Variants in ELAPOR2 observed in about 807,000 individuals in gnomAD.
ELAPOR2 encodes endosome-lysosome associated apoptosis and autophagy regulator family member 2.
A neutral mutation model predicts 120.7 loss-of-function variants in ELAPOR2; 89 were observed. The ratio of observed to expected loss-of-function variants is 0.74; its 90% confidence interval spans 0.62 to 0.88. The LOEUF (loss-of-function observed/expected upper bound fraction) is 0.88, where lower values mean the gene tolerates loss of function less well. Among genes scored for constraint, ELAPOR2 ranks in the 40% least tolerant of loss-of-function variants. ELAPOR2 has a pLI of 0.00. For missense variants in ELAPOR2, 1,134 were observed against 1,251.6 expected (o/e 0.91, Z 1.42); for synonymous variants, 444 against 444.9 (o/e 1.00, Z 0.03).
intron 8 of ELAPOR2, among the ~76,000 whole-genome samples, chr7:86,936,313 C>T (rs941198589): frequency 1.3e-5 from 2 of 151,974 alleles, no homozygotes; most frequent in African/African-American, 2.4e-5. Flanking sequence ...AAATTCCTGC[C>T]CTCAAGCAAT....
At chr7:86,979,257 C>T (rs1237705599) in intron 1 of ELAPOR2, among the ~76,000 whole-genome samples, 1 of 152,170 alleles carries the variant, frequency 6.6e-6, no homozygotes, top group Non-Finnish European at 1.5e-5. Context: ...GAAAAGACCA[C>T]GTTAAGTTTA....
intron 1 of ELAPOR2, among the ~76,000 whole-genome samples, chr7:86,969,387 G>A (rs1300932514): frequency 6.6e-6 from 1 of 152,026 alleles, no homozygotes; most frequent in African/African-American, 2.4e-5. Context: ...AAAATAATAT[G>A]TATATATGTT....
chr7:86,891,797 TCTC>T lies in ELAPOR2; in HGVS notation c.2954_2956del (p.Gly985del), dbSNP rs1187981139. ...ATATACAACTTCCTCTTCATTATCT[TCTC>T]CTTCCATGATAGCACAACTGTCTGC... On this transcript the variant is annotated inframe_deletion, in exon 21 of 22. Transcript: ENST00000450689. The T allele has an allele frequency of 8.7e-6, 14 of 1,612,290 alleles. No individual in the cohort carries two copies. Among genetic ancestry groups the T allele is most frequent in the Non-Finnish European group, 1.2e-5 (14 of 1,178,864 alleles).
At chr7:87,059,016 T>C (rs1420358787) in intron 1 of ELAPOR2, among the ~76,000 whole-genome samples, 1 of 151,918 alleles carries the variant, frequency 6.6e-6, no homozygotes, top group East Asian at 1.9e-4. Flanking sequence ...CTCCCCTTCC[T>C]GAAATCTTTC....
At chr7:87,051,865 A>G (rs1327387334) in intron 1 of ELAPOR2, among the ~76,000 whole-genome samples, 2 of 152,202 alleles carry the variant, frequency 1.3e-5, no homozygotes, top group African/African-American at 4.8e-5. Flanking sequence ...TAATTTCCAT[A>G]TTTGTGTCTT....
At chr7:86,892,282 T>C (rs1246473884) in intron 20 of ELAPOR2, among the ~76,000 whole-genome samples, 2 of 152,080 alleles carry the variant, frequency 1.3e-5, no homozygotes, top group East Asian at 1.9e-4. Flanking sequence ...AGTAATTTGG[T>C]CTTTATCATC....
At chr7:86,953,124 T>C (rs1273417077) in intron 2 of ELAPOR2, among the ~76,000 whole-genome samples, 1 of 151,288 alleles carries the variant, frequency 6.6e-6, no homozygotes, top group Non-Finnish European at 1.5e-5. Context: ...CACACAATTA[T>C]TGATAGTTTA....
chr7:86,986,069 G>C (rs1323095334), intron 1 of ELAPOR2, among the ~76,000 whole-genome samples: 2 of 151,672 alleles, frequency 1.3e-5, no homozygotes, highest in East Asian at 3.9e-4. Context: ...AGGGCAATCA[G>C]GCAAGAGAAA....
intron 10 of ELAPOR2, among the ~76,000 whole-genome samples, chr7:86,925,259 C>T (rs1241574727): frequency 6.6e-6 from 1 of 151,854 alleles, no homozygotes; most frequent in African/African-American, 2.4e-5. Context: ...TCTATTCTGG[C>T]ATTTATACCC....
chr7:86,918,691 C>G, intron 11 of ELAPOR2, 147 bp from the exon 12 acceptor site: 1 of 608,480 alleles, frequency 1.6e-6, no homozygotes, highest in Non-Finnish European at 2.9e-6. Context: ...TCCTTCCTCA[C>G]TTAATCATAC....
intron 2 of ELAPOR2, among the ~76,000 whole-genome samples, chr7:86,962,790 A>G (rs1791766601): frequency 6.6e-6 from 1 of 152,186 alleles, no homozygotes; most frequent in African/African-American, 2.4e-5. Context: ...TCAGTACTTG[A>G]GAAATGGTAG....
chr7:86,906,641 C>A (rs945847540), intron 18 of ELAPOR2, among the ~76,000 whole-genome samples: 17 of 152,050 alleles, frequency 1.1e-4, no homozygotes, highest in African/African-American at 4.1e-4. Flanking sequence ...ATCATTTTCT[C>A]TTTAAAAATA....
chr7:86,984,347 C>T (rs1792630207), intron 1 of ELAPOR2, among the ~76,000 whole-genome samples: 1 of 152,222 alleles, frequency 6.6e-6, no homozygotes, highest in Non-Finnish European at 1.5e-5. Context: ...TAATAGACAT[C>T]TACAGAATTC....
At chr7:86,955,886 A>G (rs1176916742) in intron 2 of ELAPOR2, among the ~76,000 whole-genome samples, 1 of 152,034 alleles carries the variant, frequency 6.6e-6, no homozygotes, top group African/African-American at 2.4e-5. Context: ...AGATTTTAGT[A>G]TAACTAAACT....
In ELAPOR2 at chr7:86,877,836, C is replaced by A. The variant is rs1799226408; in HGVS notation, c.*2635G>T. The stretch of plus-strand genomic sequence containing the variant: ...AAAAATACTATGAAATATTTTTAAT[C>A]CTAGAAAGGATGTGATTACTAGTAA... On this transcript the variant is annotated 3_prime_UTR_variant, in exon 22 of 22. Transcript: ENST00000450689. 1.3e-5 allele frequency: 2 copies of A among 152,068 alleles called. No homozygotes were observed. Among genetic ancestry groups the A allele is most frequent in the Non-Finnish European group, 2.9e-5 (2 of 68,020 alleles). The allele number at this position is 152,068 out of a possible 1,614,324, so 9.4% of individuals were successfully genotyped here.
At chr7:86,985,749 G>A (rs1792705432) in intron 1 of ELAPOR2, among the ~76,000 whole-genome samples, 1 of 151,962 alleles carries the variant, frequency 6.6e-6, no homozygotes, top group African/African-American at 2.4e-5. Flanking sequence ...CATGTGCCAT[G>A]TTGGTGTGCT....
At position 86,909,954 on chromosome 7, in the gene ELAPOR2, T is replaced by C. The variant is rs372541620; in HGVS notation, c.2217A>G (p.Val739=). The C allele has an allele frequency of 2.0e-4, 316 of 1,613,100 alleles. No homozygotes were observed. The highest frequency in any genetic ancestry group is 2.4e-4 in the Non-Finnish European group (287 of 1,179,472). ...CATCTGACCCTGCCACTATTTCTTT[T>C]ACTGTAAAGTCTGTTATATTGTTGG... ...LCTNNITDFT[V]KEIVAGSDDY... is the part of the protein sequence containing the mutation. The change falls in exon 16 of 22, where the codon GTA becomes GTG. Residue 739 remains valine (V), a synonymous_variant. Transcript: ENST00000450689.
At chr7:86,917,621 G>C (rs974105772) in intron 12 of ELAPOR2, among the ~76,000 whole-genome samples, 1 of 152,090 alleles carries the variant, frequency 6.6e-6, no homozygotes, top group Non-Finnish European at 1.5e-5. Context: ...TTGTGATATA[G>C]ATGGCTGTGT....
intron 1 of ELAPOR2, among the ~76,000 whole-genome samples, chr7:86,993,926 C>G (rs971294587): frequency 6.6e-6 from 1 of 152,220 alleles, no homozygotes; most frequent in East Asian, 1.9e-4. Context: ...TCCTATGAAC[C>G]TATTCAATAC....
Sources: allele counts gnomAD v4.1 joint callset (sites outside exome capture counted in the v4.1 genomes callset), GRCh38; gene constraint gnomAD v4.1.1; transcripts MANE v1.5; gene names NCBI Gene and HGNC (gene_info 2026-07-23, HGNC 2026-07-21).